The following SMYD3 variants were observed in gnomAD, a reference collection of about 807,000 sequenced individuals.
SMYD3 encodes histone-lysine N-methyltransferase SMYD3.
A neutral mutation model predicts 57.7 loss-of-function variants in SMYD3; 36 were observed. The ratio of observed to expected loss-of-function variants is 0.62; its 90% confidence interval spans 0.48 to 0.82. The LOEUF is 0.82. SMYD3 is among the 40% of genes least tolerant of loss of function. The pLI is 0.00. For synonymous variants in SMYD3, 211 were observed against 195.0 expected (o/e 1.08, Z -0.68); for missense variants, 515 against 538.8 (o/e 0.96, Z 0.44).
intron 5 of SMYD3, among the ~76,000 whole-genome samples, chr1:246,158,710 G>A (rs894297276): frequency 6.6e-6 from 1 of 151,708 alleles, no homozygotes; most frequent in African/African-American, 2.4e-5. Flanking sequence ...AAATATAAAG[G>A]GATATAATCA....
At chr1:246,361,757 G>C (rs949783847) in intron 1 of SMYD3, among the ~76,000 whole-genome samples, 2 of 152,150 alleles carry the variant, frequency 1.3e-5, no homozygotes, top group African/African-American at 4.8e-5. Context: ...AGGATGCAAA[G>C]GCATAGGAAT....
chr1:246,142,007 A>G (rs2061765275), intron 5 of SMYD3, among the ~76,000 whole-genome samples: 1 of 152,230 alleles, frequency 6.6e-6, no homozygotes, highest in African/African-American at 2.4e-5. Context: ...AGAAGATAGC[A>G]GTCACTAAGA....
intron 10 of SMYD3, among the ~76,000 whole-genome samples, chr1:245,776,344 G>GT (rs1158921362): frequency 6.6e-6 from 1 of 152,078 alleles, no homozygotes; most frequent in Non-Finnish European, 1.5e-5. Context: ...TGTTACATCA[G>GT]TAAGAAAGGA....
At chr1:246,238,840 C>A (rs1389806878) in intron 5 of SMYD3, among the ~76,000 whole-genome samples, 1 of 150,236 alleles carries the variant, frequency 6.7e-6, no homozygotes, top group Admixed American at 6.6e-5. Context: ...TCTTACTTAA[C>A]AAATAGTTTT....
At chr1:246,061,452 G>T (rs1007000971) in intron 5 of SMYD3, among the ~76,000 whole-genome samples, 11 of 151,888 alleles carry the variant, frequency 7.2e-5, no homozygotes, top group Non-Finnish European at 4.4e-5. Context: ...CAGGCACAGA[G>T]ACTCGTGCCT....
At chr1:246,072,291 G>C (rs61386890) in intron 5 of SMYD3, among the ~76,000 whole-genome samples, 14,051 of 30,772 alleles carry the variant, frequency 0.46, 2,166 homozygotes, top group Admixed American at 0.53. Flanking sequence ...TGGATGCATC[G>C]TGTTAGTTCT....
intron 1 of SMYD3, among the ~76,000 whole-genome samples, chr1:246,490,877 A>C (rs1440409072): frequency 6.6e-6 from 1 of 152,190 alleles, no homozygotes; most frequent in Non-Finnish European, 1.5e-5. Flanking sequence ...AAATTAAATA[A>C]ATAAATGGTC....
At chr1:246,080,750 G>T (rs1423449596) in intron 5 of SMYD3, among the ~76,000 whole-genome samples, 3 of 152,094 alleles carry the variant, frequency 2.0e-5, no homozygotes, top group African/African-American at 7.2e-5. Context: ...CTTAATATTT[G>T]ATTTATCTTA....
intron 1 of SMYD3, among the ~76,000 whole-genome samples, chr1:246,502,349 C>G (rs1237721503): frequency 6.6e-6 from 1 of 152,088 alleles, no homozygotes; most frequent in African/African-American, 2.4e-5. Context: ...ACAGGCTCAT[C>G]TTGAACTTAT....
chr1:246,040,983 G>A (rs9660598), intron 5 of SMYD3, among the ~76,000 whole-genome samples: 66,302 of 152,092 alleles, frequency 0.44, 16,227 homozygotes, highest in East Asian at 0.8. Flanking sequence ...TGACATTTCA[G>A]TCAAGGACAG....
At chr1:245,953,767 C>T (rs1396538045) in intron 5 of SMYD3, among the ~76,000 whole-genome samples, 1 of 152,130 alleles carries the variant, frequency 6.6e-6, no homozygotes, top group African/African-American at 2.4e-5. Flanking sequence ...ACAAAAACCC[C>T]ACATGTACTT....
intron 5 of SMYD3, among the ~76,000 whole-genome samples, chr1:246,319,637 T>C (rs987237185): frequency 6.6e-6 from 1 of 152,160 alleles, no homozygotes; most frequent in Non-Finnish European, 1.5e-5. Context: ...CTACATGAAC[T>C]TGAAACCCTC....
chr1:245,817,288 C>T (rs1404565746), intron 10 of SMYD3, among the ~76,000 whole-genome samples: 1 of 136,968 alleles, frequency 7.3e-6, no homozygotes, highest in South Asian at 2.2e-4. Context: ...CAGGGGCACA[C>T]TGACACCTCA....
At chr1:246,375,498 C>T (rs1455061812) in intron 1 of SMYD3, among the ~76,000 whole-genome samples, 1 of 152,038 alleles carries the variant, frequency 6.6e-6, no homozygotes, top group Non-Finnish European at 1.5e-5. Context: ...GAAGTGTATT[C>T]ACAAAGATGT....
At chr1:246,042,049 G>C (rs1183747008) in intron 5 of SMYD3, among the ~76,000 whole-genome samples, 1 of 152,182 alleles carries the variant, frequency 6.6e-6, no homozygotes, top group East Asian at 1.9e-4. Flanking sequence ...TCTTATGACT[G>C]ATAAGTCACA....
chr1:246,355,050 T>A lies in SMYD3; in HGVS notation c.209A>T (p.Tyr70Phe), dbSNP rs756790322. ...TCTTACCTGACACTTAGCACTACAG[T>A]ATTTGGCGACGCGGCACTGAGAGCA... Reference protein sequence around the residue: ...MRCSQCRVAKYCSAKCQKKAW... With the variant: ...MRCSQCRVAKFCSAKCQKKAW... The change falls in exon 2 of 12, where the codon TAC becomes TTC. Residue 70 changes from tyrosine (Y) to phenylalanine (F), a missense_variant. Coordinates refer to ENST00000490107, the MANE Select transcript of SMYD3 (RefSeq NM_001167740.2). The surrounding 1 kb of genome is among the most constrained non-coding windows in gnomAD (Gnocchi z 5.0). 2 of 1,614,162 alleles carry A rather than the reference T, an allele frequency of 1.2e-6. No homozygotes were observed. The highest frequency in any genetic ancestry group is 1.7e-5 in the Admixed American group (1 of 60,016).
chr1:246,459,123 ATTG>A (rs1370298286), intron 1 of SMYD3, among the ~76,000 whole-genome samples: 3 of 152,066 alleles, frequency 2.0e-5, no homozygotes, highest in Admixed American at 1.3e-4. Context: ...CTCGCAAGAT[ATTG>A]TTGTTTGAAA....
chr1:246,205,857 C>A (rs897679557), intron 5 of SMYD3, among the ~76,000 whole-genome samples: 6 of 152,110 alleles, frequency 3.9e-5, no homozygotes, highest in Non-Finnish European at 8.8e-5. Flanking sequence ...AGCAAACTTC[C>A]CAGTTCTGCT....
intron 8 of SMYD3, among the ~76,000 whole-genome samples, chr1:245,891,924 T>C (rs2053408576): frequency 6.6e-6 from 1 of 152,178 alleles, no homozygotes; most frequent in Admixed American, 6.5e-5. Context: ...CACACGCCTG[T>C]AGCCCCAGCT....
Sources: allele counts gnomAD v4.1 joint callset (sites outside exome capture counted in the v4.1 genomes callset), GRCh38; gene constraint gnomAD v4.1.1; non-coding constraint Gnocchi (gnomAD v3.1); transcripts MANE v1.5; gene names NCBI Gene and HGNC (gene_info 2026-07-23, HGNC 2026-07-21).